Variants in S100A10 observed in about 807,000 individuals in gnomAD.
The protein encoded by S100A10 is S100 calcium binding protein A10, also known as protein S100-A10.
S100A10 carries 3 observed loss-of-function variants against 7.1 expected under a neutral mutation model. The ratio of observed to expected loss-of-function variants is 0.42; its 90% CI spans 0.19 to 1.10. The LOEUF (loss-of-function observed/expected upper bound fraction) is 1.10. S100A10 is among the 50% of genes least tolerant of loss of function. The pLI, the probability that S100A10 is intolerant of heterozygous loss-of-function variation, is 0.29. For synonymous variants in S100A10, 41 were observed against 39.3 expected (o/e 1.04, Z -0.16); for missense variants, 101 against 118.1 (o/e 0.86, Z 0.67).
chr1:151,987,678 T>C (rs1044048675), intron 1 of S100A10, among the ~76,000 whole-genome samples: 1 of 151,890 alleles, frequency 6.6e-6, no homozygotes, highest in Non-Finnish European at 1.5e-5. Context: ...TAGCTGGGAC[T>C]ACAGGTGCCC....
rs1449722938 is a variant in S100A10 at position 151,993,853 on chromosome 1, G to C, written c.-123C>G. The stretch of plus-strand genomic sequence containing the variant: ...TGCGCCTTCCTTAGTACGTGCGGCG[G>C]GTGGGTAGAGGGAGGCGGCGCGGGA... On this transcript the variant is annotated 5_prime_UTR_variant, in exon 1 of 3. Coordinates refer to ENST00000368811, the MANE Select transcript of S100A10 (RefSeq NM_002966.3). The surrounding 1 kb of genome is among the most constrained non-coding windows in gnomAD (Gnocchi z 5.1). The C allele has an allele frequency of 6.5e-6, 1 of 153,294 alleles. No homozygotes were observed. Among genetic ancestry groups the C allele is most frequent in the Non-Finnish European group, 1.5e-5 (1 of 68,660 alleles). 9.5% of individuals were successfully genotyped at this position (153,294 alleles called of 1,614,324 possible).
chr1:151,985,164 CG>C (rs1196890030), intron 2 of S100A10: 1 of 152,664 alleles, frequency 6.6e-6, no homozygotes, highest in East Asian at 1.9e-4. Flanking sequence ...AACGTTTTAC[CG>C]TATCTCCTCT....
chr1:151,985,878 T>C lies in S100A10; in HGVS notation c.132+221A>G, dbSNP rs989744383. On this transcript the variant is annotated intron_variant, in intron 2 of 2. Transcript: ENST00000368811. ...CTTGAAGGTTGGGGCTGTGTCTTCA[T>C]TACTTTGTTTCCTCAACAGTATCTT... is the stretch of plus-strand genomic sequence containing the variant. 3.9e-5 allele frequency among the ~76,000 whole-genome samples: 6 copies of C among 152,212 alleles called. No individual in the cohort carries two copies. The East Asian group carries it at 1.2e-3, about 29-fold the overall frequency.
chr1:151,984,716 G>A (rs1402694229), intron 2 of S100A10, among the ~76,000 whole-genome samples: 2 of 152,214 alleles, frequency 1.3e-5, no homozygotes, highest in African/African-American at 2.4e-5. Context: ...CTATAGGACA[G>A]GCAGGCTTAC....
chr1:151,985,484 G>A (rs1027516187), intron 2 of S100A10: 24 of 150,546 alleles, frequency 1.6e-4, no homozygotes, highest in African/African-American at 5.6e-4. Flanking sequence ...TGCTGTCAGA[G>A]CATTATTATG....
At chr1:151,987,124 C>T (rs947234637) in intron 1 of S100A10, among the ~76,000 whole-genome samples, 1 of 149,470 alleles carries the variant, frequency 6.7e-6, no homozygotes, top group East Asian at 2.0e-4. Flanking sequence ...GCAACCTCCG[C>T]CTCCCAGGTA....
At chr1:151,983,373 T>C in intron 2 of S100A10, 49 bp from the exon 3 acceptor site, 1 of 1,303,168 alleles carries the variant, frequency 7.7e-7, no homozygotes, top group African/African-American at 1.5e-5. Context: ...AAGGTTGCAA[T>C]GAGGAGCTTA....
At chr1:151,988,761 G>A (rs1655847975) in intron 1 of S100A10, among the ~76,000 whole-genome samples, 1 of 152,142 alleles carries the variant, frequency 6.6e-6, no homozygotes. Flanking sequence ...CCCTCATATG[G>A]GTTTCAGATG....
Position 151,983,021 on chromosome 1 carries a change from G to T in S100A10, c.*142C>A, listed in dbSNP as rs1434975927. ...ACTTTTCTTTCTCTGCTTGTCAAAT[G>T]AGAGTTAGATTTTATTTTTACATTT... is the stretch of plus-strand genomic sequence containing the variant. On this transcript the variant is annotated 3_prime_UTR_variant, in exon 3 of 3. Transcript: ENST00000368811. 2 of 523,302 alleles carry T rather than the reference G, an allele frequency of 3.8e-6. No individual in the cohort carries two copies. Among genetic ancestry groups the T allele is most frequent in the East Asian group, 3.1e-5 (1 of 32,462 alleles). 32.4% of individuals were successfully genotyped at this position (523,302 alleles called of 1,614,324 possible). A position where few individuals can be genotyped will look rare whatever the true frequency, so the allele number is the denominator to read the frequency against.
At chr1:151,992,145 A>C (rs1655918468) in intron 1 of S100A10, among the ~76,000 whole-genome samples, 1 of 152,166 alleles carries the variant, frequency 6.6e-6, no homozygotes, top group Admixed American at 6.5e-5. Context: ...CCGATGAAGA[A>C]ACTTCCAATA....
chr1:151,984,745 T>C (rs927841843), intron 2 of S100A10, among the ~76,000 whole-genome samples: 12 of 152,240 alleles, frequency 7.9e-5, no homozygotes, highest in African/African-American at 2.4e-4. Flanking sequence ...CATTTTGTCC[T>C]TGCATCTTAA....
intron 1 of S100A10, 32 bp from the exon 2 acceptor site, chr1:151,986,283 A>G (rs529156329): frequency 1.3e-6 from 2 of 1,498,308 alleles, no homozygotes; most frequent in Admixed American, 2.5e-5. Context: ...CAGGGTCTAC[A>G]TTAACTTTTT....
chr1:151,986,508 TTAAC>T (rs1655794712), intron 1 of S100A10, among the ~76,000 whole-genome samples: 1 of 152,230 alleles, frequency 6.6e-6, no homozygotes, highest in Non-Finnish European at 1.5e-5. Context: ...TACATTGTAA[TTAAC>T]TATAGTCACG....
At chr1:151,991,124 G>T (rs1044928565) in intron 1 of S100A10, among the ~76,000 whole-genome samples, 1 of 152,132 alleles carries the variant, frequency 6.6e-6, no homozygotes, top group African/African-American at 2.4e-5. Context: ...AAACGGCAGG[G>T]TGTCAGTAAA....
chr1:151,984,915 G>A (rs1216474274), intron 2 of S100A10, among the ~76,000 whole-genome samples: 1 of 152,092 alleles, frequency 6.6e-6, no homozygotes, highest in Non-Finnish European at 1.5e-5. Flanking sequence ...CCTGGTCTGG[G>A]GCTATATCAC....
intron 2 of S100A10, among the ~76,000 whole-genome samples, chr1:151,985,795 A>G (rs974992969): frequency 6.6e-6 from 1 of 152,194 alleles, no homozygotes; most frequent in South Asian, 2.1e-4. Context: ...TTTCCAACAA[A>G]CAGCTCATAT....
At chr1:151,986,284 T>C in intron 1 of S100A10, 33 bp from the exon 2 acceptor site, 6 of 1,487,554 alleles carry the variant, frequency 4.0e-6, no homozygotes, top group Non-Finnish European at 5.4e-6. Flanking sequence ...AGGGTCTACA[T>C]TAACTTTTTT....
rs571415826 is a variant in S100A10, at chr1:151,993,601, G to A, written c.-22+151C>T. On this transcript the variant is annotated intron_variant, in intron 1 of 2. Transcript: ENST00000368811. This position sits in a 1 kb window ranked among gnomAD's most constrained non-coding sequence, Gnocchi z 5.1. ...TGGCCTCGTTTGGGTGTGGCCCGGA[G>A]CACTGAGCAGCGGATTCCCCACCAG... 2.6e-5 allele frequency among the ~76,000 whole-genome samples: 4 copies of A among 152,260 alleles called. No homozygotes were observed. In the East Asian group the frequency reaches 7.8e-4, roughly 30 times the overall value.
intron 2 of S100A10, among the ~76,000 whole-genome samples, chr1:151,985,815 T>C (rs1655778205): frequency 6.6e-6 from 1 of 152,230 alleles, no homozygotes; most frequent in African/African-American, 2.4e-5. Context: ...TTGTGGTTAT[T>C]TGTATGCAGT....
Sources: gnomAD v4.1 joint callset for allele counts (sites outside exome capture counted in the v4.1 genomes callset) on GRCh38, gnomAD v4.1.1 for gene constraint, Gnocchi (gnomAD v3.1) non-coding constraint, MANE v1.5 for transcripts, NCBI Gene and HGNC (gene_info 2026-07-23, HGNC 2026-07-21) for gene names.